KCNB2: variants seen among roughly 807,000 people sequenced by gnomAD.
KCNB2 encodes the protein potassium voltage-gated channel subfamily B member 2.
KCNB2 carries 15 observed loss-of-function variants against 61.5 expected under a neutral mutation model. The ratio of observed to expected loss-of-function variants is 0.24; its 90% CI spans 0.16 to 0.38. KCNB2 has a LOEUF of 0.38. Ranked by LOEUF, KCNB2 falls within the 10% of genes least tolerant of loss-of-function variation. The pLI, the probability that KCNB2 is intolerant of heterozygous loss-of-function variation, is 1.00. For synonymous variants in KCNB2, 457 were observed against 446.0 expected (o/e 1.02, Z -0.31); for missense variants, 828 against 1,125.2 (o/e 0.74, Z 3.78).
At chr8:72,816,673 C>G (rs1809401399) in intron 2 of KCNB2, among the ~76,000 whole-genome samples, 1 of 152,198 alleles carries the variant, frequency 6.6e-6, no homozygotes, top group Non-Finnish European at 1.5e-5. Flanking sequence ...CAAGCTTACC[C>G]TAAAACCTCA....
At chr8:72,792,374 TA>T (rs1376282447) in intron 2 of KCNB2, among the ~76,000 whole-genome samples, 1 of 152,232 alleles carries the variant, frequency 6.6e-6, no homozygotes, top group Non-Finnish European at 1.5e-5. Flanking sequence ...CTTTGTAAGC[TA>T]AGATGATGAA....
chr8:72,705,054 G>A (rs1020115192), intron 2 of KCNB2, among the ~76,000 whole-genome samples: 4 of 152,130 alleles, frequency 2.6e-5, no homozygotes, highest in African/African-American at 9.7e-5. Context: ...ACAGAGGGCT[G>A]ACTGTATGAA....
intron 2 of KCNB2, among the ~76,000 whole-genome samples, chr8:72,756,734 G>A (rs1264033100): frequency 2.0e-5 from 3 of 152,190 alleles, no homozygotes; most frequent in Non-Finnish European, 4.4e-5. Context: ...GGTCAGGTAA[G>A]AGGATAAGAA....
intron 2 of KCNB2, among the ~76,000 whole-genome samples, chr8:72,700,523 G>A (rs1807102326): frequency 2.0e-5 from 3 of 151,976 alleles, no homozygotes; most frequent in Admixed American, 2.0e-4. Context: ...TCTCACACCA[G>A]TCAGATAGCT....
intron 2 of KCNB2, among the ~76,000 whole-genome samples, chr8:72,778,756 A>AAAAAAAAAAAAAAAAAAAAAC (rs1808703879): frequency 6.9e-6 from 1 of 144,928 alleles, no homozygotes; most frequent in Non-Finnish European, 1.5e-5. Flanking sequence ...AAAAAAAAAA[A>AAAAAAAAAAAAAAAAAAAAAC]AAAAAAAGAA....
intron 2 of KCNB2, among the ~76,000 whole-genome samples, chr8:72,905,088 C>A (rs188832517): frequency 2.4e-4 from 36 of 152,238 alleles, no homozygotes; most frequent in African/African-American, 8.2e-4. Context: ...CTTCAGTGTT[C>A]CTGCTCCTAT....
chr8:72,557,873 G>A (rs1481430707), intron 1 of KCNB2, among the ~76,000 whole-genome samples: 2 of 152,156 alleles, frequency 1.3e-5, no homozygotes, highest in Non-Finnish European at 1.5e-5. Flanking sequence ...CTAGTTCCAG[G>A]AAATCCAGCT....
At chr8:72,757,417 T>C (rs955215332) in intron 2 of KCNB2, among the ~76,000 whole-genome samples, 4 of 152,080 alleles carry the variant, frequency 2.6e-5, no homozygotes, top group African/African-American at 9.7e-5. Context: ...AGATGCTCAG[T>C]GGTACCTGGA....
chr8:72,805,486 G>C (rs1809204635), intron 2 of KCNB2, among the ~76,000 whole-genome samples: 1 of 152,170 alleles, frequency 6.6e-6, no homozygotes, highest in Non-Finnish European at 1.5e-5. Flanking sequence ...TGGAGTTGAA[G>C]AACATTATCT....
rs1806802083 is a variant in KCNB2 at position 72,683,789 on chromosome 8, A to G, written c.579+115476A>G. On this transcript the variant is annotated intron_variant, in intron 2 of 2. Coordinates refer to ENST00000523207, the MANE Select transcript of KCNB2 (RefSeq NM_004770.3). The stretch of plus-strand genomic sequence containing the variant: ...TGTCTTACAGTGTGAGATACAGATA[A>G]TTAGAGACATGGGCAGGGTGCTGCA... Among the ~76,000 whole-genome samples, 4 of 152,290 alleles carry G rather than the reference A, an allele frequency of 2.6e-5. No individual in the cohort carries two copies. In the South Asian group the frequency reaches 6.2e-4, roughly 24 times the overall value.
At chr8:72,743,101 T>C (rs1391391798) in intron 2 of KCNB2, among the ~76,000 whole-genome samples, 1 of 152,194 alleles carries the variant, frequency 6.6e-6, no homozygotes, top group Non-Finnish European at 1.5e-5. Flanking sequence ...GGACATGGGC[T>C]CCAGGTGAAA....
At chr8:72,885,055 A>G (rs117508411) in intron 2 of KCNB2, among the ~76,000 whole-genome samples, 2,830 of 152,238 alleles carry the variant, frequency 0.019, 45 homozygotes, top group Non-Finnish European at 0.027. Context: ...CTTAATCCTA[A>G]ATGAGTGTTG....
At position 72,827,854 on chromosome 8, in the gene KCNB2, C is replaced by T. The variant is rs1227765915; in HGVS notation, c.580-108081C>T. 2.0e-5 allele frequency among the ~76,000 whole-genome samples: 3 copies of T among 151,818 alleles called. No homozygotes were observed. In the East Asian group the frequency reaches 5.8e-4, roughly 29 times the overall value. ...TTGAGATGGAGTCTCACTCTGCCGCCCAGGCTAGACTCCAATGGCGTGATC... is the reference window on the plus strand; with the variant it reads ...TTGAGATGGAGTCTCACTCTGCCGCTCAGGCTAGACTCCAATGGCGTGATC... On this transcript the variant is annotated intron_variant, in intron 2 of 2. Transcript: ENST00000523207.
At chr8:72,739,618 C>T (rs548223799) in intron 2 of KCNB2, among the ~76,000 whole-genome samples, 2 of 151,952 alleles carry the variant, frequency 1.3e-5, no homozygotes, top group East Asian at 3.9e-4. Flanking sequence ...TGGAAAATTA[C>T]ATATGGTTTG....
intron 2 of KCNB2, among the ~76,000 whole-genome samples, chr8:72,892,460 G>A (rs1350376028): frequency 6.6e-6 from 1 of 152,152 alleles, no homozygotes; most frequent in African/African-American, 2.4e-5. Context: ...TTTTGACATG[G>A]GAAAACTGGC....
chr8:72,823,821 G>A (rs1176884720), intron 2 of KCNB2, among the ~76,000 whole-genome samples: 3 of 152,164 alleles, frequency 2.0e-5, no homozygotes, highest in East Asian at 1.9e-4. Flanking sequence ...CTAAGTGTTG[G>A]AGCTGAGAGC....
intron 2 of KCNB2, among the ~76,000 whole-genome samples, chr8:72,889,924 T>G (rs1365585704): frequency 1.3e-5 from 2 of 152,132 alleles, no homozygotes; most frequent in Admixed American, 6.5e-5. Context: ...CCCAGCAAAT[T>G]TTTGTATTTT....
At chr8:72,690,494 T>A (rs1806923174) in intron 2 of KCNB2, among the ~76,000 whole-genome samples, 1 of 152,226 alleles carries the variant, frequency 6.6e-6, no homozygotes, top group Non-Finnish European at 1.5e-5. Flanking sequence ...TTTTGCATAG[T>A]CCAATACACA....
chr8:72,805,858 C>T (rs548822588), intron 2 of KCNB2, among the ~76,000 whole-genome samples: 79 of 152,208 alleles, frequency 5.2e-4, no homozygotes, highest in Non-Finnish European at 1.0e-3. Context: ...ACTACTGGAA[C>T]CATGTATTAA....
Sources: allele counts gnomAD v4.1 joint callset (sites outside exome capture counted in the v4.1 genomes callset), GRCh38; gene constraint gnomAD v4.1.1; transcripts MANE v1.5; gene names NCBI Gene and HGNC (gene_info 2026-07-23, HGNC 2026-07-21).